CNDP1: variants seen among roughly 807,000 people sequenced by gnomAD.
The protein encoded by CNDP1 is carnosine dipeptidase 1.
Under a neutral mutation model 58.1 loss-of-function variants are expected in CNDP1, and 44 were observed. The ratio of observed to expected loss-of-function variants is 0.76; its 90% CI spans 0.60 to 0.97. The LOEUF is 0.97. Ranked by LOEUF, CNDP1 falls within the 50% of genes least tolerant of loss-of-function variation. CNDP1 has a pLI of 0.00. For synonymous variants in CNDP1, 254 were observed against 252.6 expected, an observed-to-expected ratio of 1.01 and a Z score of -0.05; for missense variants, 616 against 655.1, an observed-to-expected ratio of 0.94 and a Z score of 0.65.
At chr18:74,556,272 G>A in intron 1 of CNDP1, 66 bp from the exon 2 acceptor site, 1 of 1,556,436 alleles carries the variant, frequency 6.4e-7, no homozygotes, top group Non-Finnish European at 8.7e-7. Context: ...TGAGGAATTT[G>A]GAAGGTCCGA....
intron 7 of CNDP1, among the ~76,000 whole-genome samples, chr18:74,574,221 C>T (rs1047159913): frequency 1.3e-5 from 2 of 152,230 alleles, no homozygotes; most frequent in African/African-American, 4.8e-5. Flanking sequence ...CATGAACAGA[C>T]AATAAACGCT....
intron 1 of CNDP1, among the ~76,000 whole-genome samples, chr18:74,555,128 A>G (rs948217589): frequency 2.6e-5 from 4 of 152,212 alleles, no homozygotes; most frequent in Non-Finnish European, 5.9e-5. Context: ...TAGATTAAAC[A>G]AGTCAGAATT....
At chr18:74,558,392 C>CTT (rs71168498) in intron 2 of CNDP1, among the ~76,000 whole-genome samples, 175 of 114,284 alleles carry the variant, frequency 1.5e-3, no homozygotes, top group African/African-American at 2.3e-3. Flanking sequence ...CTTTCTTTTT[C>CTT]TTTTTTTTTT....
chr18:74,555,501 C>T (rs139622949), intron 1 of CNDP1, among the ~76,000 whole-genome samples: 1,527 of 152,304 alleles, frequency 0.01, 12 homozygotes, highest in Middle Eastern at 0.034. Context: ...GCTCCCACTC[C>T]AGACAGGGCT....
rs145333277 is a variant in CNDP1, at chr18:74,586,745, G to A, written c.*2183G>A. 51 of 152,248 alleles carry A rather than the reference G, an allele frequency of 3.3e-4. No individual in the cohort carries two copies. The highest frequency in any genetic ancestry group is 9.9e-4 in the African/African-American group (41 of 41,514). 9.4% of individuals were successfully genotyped at this position (152,248 alleles called of 1,614,324 possible). A position where few individuals can be genotyped will look rare whatever the true frequency, so the allele number is the denominator to read the frequency against. ...CTGGTCTCCCCAGCTCTTCCCTCCT[G>A]TTTTTCCACCCAATTCTAAGCCCTG... On this transcript the variant is annotated 3_prime_UTR_variant, in exon 12 of 12. Coordinates refer to ENST00000358821, the MANE Select transcript of CNDP1 (RefSeq NM_032649.6).
At chr18:74,560,763 C>A in intron 3 of CNDP1, 93 bp from the exon 4 acceptor site, 1 of 1,166,304 alleles carries the variant, frequency 8.6e-7, no homozygotes, top group African/African-American at 1.5e-5. Flanking sequence ...CAGTTTCTCC[C>A]AATGTCAAAC....
chr18:74,556,350 C>T lies in CNDP1; in HGVS notation c.37C>T (p.Leu13=). Reference sequence around the variant, plus strand: ...CAAACCCTTCCAGGCTGCGTCCCTGCTGGCTGTGCTGCTGCTGCTGCTGGA... The same window carrying T: ...CAAACCCTTCCAGGCTGCGTCCCTGTTGGCTGTGCTGCTGCTGCTGCTGGA... The part of the protein sequence containing the change: ...PKLGRMAASL[L]AVLLLLLERG... The change falls in exon 2 of 12, where the codon CTG becomes TTG. Residue 13 remains leucine (L), a synonymous_variant. Coordinates refer to ENST00000358821, the MANE Select transcript of CNDP1 (RefSeq NM_032649.6). 6.3e-7 allele frequency: 1 copy of T among 1,582,490 alleles called. No homozygotes were observed. The highest frequency in any genetic ancestry group is 8.6e-7 in the Non-Finnish European group (1 of 1,166,894).
At chr18:74,550,882 G>A (rs1980888108) in intron 1 of CNDP1, among the ~76,000 whole-genome samples, 1 of 151,930 alleles carries the variant, frequency 6.6e-6, no homozygotes, top group Non-Finnish European at 1.5e-5. Context: ...TTACAGACGT[G>A]AGCCACCATG....
In CNDP1 at chr18:74,571,170, T is replaced by G. The variant is rs370699340; in HGVS notation, c.757-16T>G. The G allele has an allele frequency of 7.0e-6, 11 of 1,572,898 alleles. No individual in the cohort carries two copies. Among genetic ancestry groups the G allele is most frequent in the Non-Finnish European group, 8.8e-7 (1 of 1,142,830 alleles). ...AAGGCAGGAAGTATATCTCTTACCT[T>G]TTATCTACTCTGCAGGTGAAATGCA... is the stretch of plus-strand genomic sequence containing the variant. On this transcript the variant is annotated splice_polypyrimidine_tract_variant and intron_variant, in intron 6 of 11. Transcript: ENST00000358821.
intron 3 of CNDP1, among the ~76,000 whole-genome samples, chr18:74,559,674 G>T (rs565226295): frequency 2.2e-4 from 34 of 152,272 alleles, no homozygotes; most frequent in African/African-American, 6.3e-4. Context: ...CTCTGGGGAG[G>T]GGTTGGCTCT....
intron 1 of CNDP1, among the ~76,000 whole-genome samples, chr18:74,540,640 A>G (rs948469556): frequency 6.6e-6 from 1 of 152,196 alleles, no homozygotes; most frequent in African/African-American, 2.4e-5. Flanking sequence ...TAACCTACTC[A>G]TCCTGGCTGT....
chr18:74,547,287 C>T (rs1157098255), intron 1 of CNDP1, among the ~76,000 whole-genome samples: 3 of 152,162 alleles, frequency 2.0e-5, no homozygotes, highest in Non-Finnish European at 4.4e-5. Context: ...ACTAGGAGGG[C>T]AATAGAATTC....
At chr18:74,567,504 G>C in intron 6 of CNDP1, 71 bp downstream of exon 6, 1 of 1,316,890 alleles carries the variant, frequency 7.6e-7, no homozygotes. Flanking sequence ...TCCATTCTGG[G>C]ATCTTGGAGA....
At chr18:74,582,286 T>A (rs1173925012) in intron 10 of CNDP1, among the ~76,000 whole-genome samples, 1 of 152,226 alleles carries the variant, frequency 6.6e-6, no homozygotes, top group Non-Finnish European at 1.5e-5. Context: ...TCTTTGTGAA[T>A]AAAGAAGAGG....
Position 74,585,761 on chromosome 18 carries a change from G to A in CNDP1, c.*1199G>A, listed in dbSNP as rs1053009931. On this transcript the variant is annotated 3_prime_UTR_variant, in exon 12 of 12. Coordinates refer to ENST00000358821, the MANE Select transcript of CNDP1 (RefSeq NM_032649.6). ...CATAATCCCAGCACTTTCGGAGGCC[G>A]AGGTGGGCGGATCACCTGAGGTCGG... is the stretch of plus-strand genomic sequence containing the variant. The A allele has an allele frequency of 2.6e-5, 4 of 152,022 alleles. No homozygotes were observed. Among genetic ancestry groups the A allele is most frequent in the South Asian group, 2.1e-4 (1 of 4,830 alleles). 9.4% of individuals were successfully genotyped at this position (152,022 alleles called of 1,614,324 possible).
intron 1 of CNDP1, among the ~76,000 whole-genome samples, chr18:74,544,263 A>G (rs1395462075): frequency 6.6e-6 from 1 of 152,152 alleles, no homozygotes; most frequent in Non-Finnish European, 1.5e-5. Flanking sequence ...AAAAATAAAT[A>G]CGTAAAAATA....
intron 1 of CNDP1, among the ~76,000 whole-genome samples, chr18:74,538,874 CA>C (rs1980547535): frequency 6.6e-6 from 1 of 152,178 alleles, no homozygotes; most frequent in South Asian, 2.1e-4. Flanking sequence ...GGGATTCTGA[CA>C]GAGAACCTGT....
chr18:74,561,883 T>TAAGAC, intron 4 of CNDP1, 164 bp from the exon 5 acceptor site: 1 of 583,792 alleles, frequency 1.7e-6, no homozygotes, highest in Non-Finnish European at 3.1e-6. Flanking sequence ...ACAGTCTTAT[T>TAAGAC]TGTACATAAG....
intron 3 of CNDP1, 148 bp downstream of exon 3, chr18:74,559,620 G>A: frequency 1.3e-6 from 1 of 754,574 alleles, no homozygotes; most frequent in South Asian, 2.1e-5. Context: ...ACATTCCCCT[G>A]GTCTCAAATG....
Sources: allele counts gnomAD v4.1 joint callset (sites outside exome capture counted in the v4.1 genomes callset), GRCh38; gene constraint gnomAD v4.1.1; transcripts MANE v1.5; gene names NCBI Gene and HGNC (gene_info 2026-07-23, HGNC 2026-07-21).